CREBBP: variants seen among roughly 807,000 people sequenced by gnomAD.
The protein encoded by CREBBP is CREB binding lysine acetyltransferase, also known as CREB-binding protein.
Under a neutral mutation model 265.0 loss-of-function variants are expected in CREBBP, and 19 were observed. The ratio of observed to expected loss-of-function variants is 0.07; its 90% CI spans 0.05 to 0.11. The LOEUF is 0.11. CREBBP is among the 10% of genes least tolerant of loss of function. The pLI is 1.00. For synonymous variants in CREBBP, 1,457 were observed against 1,223.7 expected (o/e 1.19, Z -3.98); for missense variants, 2,525 against 3,219.0 (o/e 0.78, Z 5.22).
chr16:3,863,787 G>C (rs905498069), intron 1 of CREBBP, among the ~76,000 whole-genome samples: 2 of 152,154 alleles, frequency 1.3e-5, no homozygotes, highest in Non-Finnish European at 2.9e-5. Flanking sequence ...TTTGCGTGCT[G>C]CTTCCCTCAG....
At chr16:3,736,347 G>C in intron 27 of CREBBP, 144 bp from the exon 28 acceptor site, 2 of 899,916 alleles carry the variant, frequency 2.2e-6, no homozygotes, top group South Asian at 2.8e-5. Flanking sequence ...CAGTGCAGCA[G>C]ACCCCCACAC....
intron 20 of CREBBP, among the ~76,000 whole-genome samples, chr16:3,750,809 G>T (rs2052455383): frequency 6.6e-6 from 1 of 152,210 alleles, no homozygotes; most frequent in Admixed American, 6.5e-5. Context: ...ATCTGGATTA[G>T]ACTTCAGTAA....
chr16:3,860,247 A>C (rs974805830), intron 1 of CREBBP, among the ~76,000 whole-genome samples: 1 of 152,242 alleles, frequency 6.6e-6, no homozygotes, highest in African/African-American at 2.4e-5. Context: ...TCAGACTTGT[A>C]CTATAGCCCT....
chr16:3,737,781 C>T (rs1372443550), intron 26 of CREBBP, among the ~76,000 whole-genome samples: 1 of 150,306 alleles, frequency 6.7e-6, no homozygotes, highest in Non-Finnish European at 1.5e-5. Flanking sequence ...TTCTTTTTTT[C>T]TTTTCTTTCT....
Position 3,850,965 on chromosome 16 carries a change from G to C in CREBBP, c.130C>G (p.Leu44Val). ...FDLENDLPDELIPNGGELGLL... is the reference protein window; with the variant it reads ...FDLENDLPDEVIPNGGELGLL... ...CCTAATTCTCCTCCATTGGGTATCA[G>C]CTCATCAGGAAGATCATTTTCCAAG... The change falls in exon 2 of 31, where the codon CTG (leucine) becomes GTG (valine). Residue 44 changes from leucine (L) to valine (V), a missense_variant. Transcript: ENST00000262367. The C allele has an allele frequency of 6.2e-7, 1 of 1,614,176 alleles. No homozygotes were observed.
At chr16:3,764,964 TTTTG>T (rs1383574417) in intron 16 of CREBBP, among the ~76,000 whole-genome samples, 34 of 151,970 alleles carry the variant, frequency 2.2e-4, no homozygotes, top group Admixed American at 1.8e-3. Context: ...TGGTTTTTTT[TTTTG>T]TTTTGTTTTT....
At chr16:3,763,245 T>C (rs1410369041) in intron 16 of CREBBP, among the ~76,000 whole-genome samples, 8 of 151,410 alleles carry the variant, frequency 5.3e-5, no homozygotes, top group Admixed American at 3.3e-4. Flanking sequence ...AAACTTGACC[T>C]CCTAGGCTCA....
intron 16 of CREBBP, among the ~76,000 whole-genome samples, chr16:3,764,467 G>C (rs977921226): frequency 6.6e-6 from 1 of 150,878 alleles, no homozygotes; most frequent in Non-Finnish European, 1.5e-5. Flanking sequence ...GTAGAGACAG[G>C]GTCTCACTAC....
Position 3,728,238 on chromosome 16 carries a change from T to TG in CREBBP, c.6808dup (p.Gln2270ProfsTer71). 6.2e-7 allele frequency: 1 copy of TG among 1,613,240 alleles called. No homozygotes were observed. The highest frequency in any genetic ancestry group is 8.5e-7 in the Non-Finnish European group (1 of 1,179,912). On this transcript the variant is annotated frameshift_variant, in exon 31 of 31. Coordinates refer to ENST00000262367, the MANE Select transcript of CREBBP (RefSeq NM_004380.3). LOFTEE classifies it high-confidence loss of function. This position sits in a 1 kb window ranked among gnomAD's most constrained non-coding sequence, Gnocchi z 8.7. ...CCCCGGCTGCCCCATCTGGCCAAGC[T>TG]GTCCCATCTGAGCCGCCATCTGGCC... is the stretch of plus-strand genomic sequence containing the variant.
At position 3,778,852 on chromosome 16, in the gene CREBBP, T is replaced by C. The variant is rs532030294; in HGVS notation, c.1824-35A>G. On this transcript the variant is annotated intron_variant, in intron 8 of 30. Transcript: ENST00000262367. ...TAACACATCTATCAAACTACTTTTT[T>C]TTTTCTTCTTTTTTTTAAAGACATG... 252 of 1,585,670 alleles carry C rather than the reference T, an allele frequency of 1.6e-4. No homozygotes were observed. In the South Asian group the frequency reaches 2.1e-3, roughly 13 times the overall value.
intron 2 of CREBBP, among the ~76,000 whole-genome samples, chr16:3,839,822 A>G (rs867344043): frequency 2.6e-5 from 4 of 151,830 alleles, no homozygotes; most frequent in Admixed American, 6.6e-5. Flanking sequence ...AAGAAAGGAA[A>G]GAAAGAAAGA....
intron 13 of CREBBP, among the ~76,000 whole-genome samples, chr16:3,771,797 T>TA (rs2053015459): frequency 6.8e-6 from 1 of 147,878 alleles, no homozygotes; most frequent in South Asian, 2.2e-4. Flanking sequence ...GCACTCAATT[T>TA]AAAACTTTTT....
intron 21 of CREBBP, among the ~76,000 whole-genome samples, chr16:3,749,096 G>A (rs577450211): frequency 1.1e-4 from 17 of 152,330 alleles, no homozygotes; most frequent in Admixed American, 2.0e-4. Flanking sequence ...GCAGTGAGCC[G>A]AGATCGTGCC....
At chr16:3,815,550 A>ATT (rs1166085466) in intron 2 of CREBBP, among the ~76,000 whole-genome samples, 12 of 134,824 alleles carry the variant, frequency 8.9e-5, no homozygotes, top group African/African-American at 1.7e-4. Flanking sequence ...AAAAAAAAAA[A>ATT]TTTTTTTTTT....
At chr16:3,809,472 G>A (rs928477802) in intron 3 of CREBBP, among the ~76,000 whole-genome samples, 3 of 152,070 alleles carry the variant, frequency 2.0e-5, no homozygotes, top group South Asian at 2.1e-4. Flanking sequence ...CACCACGCCC[G>A]GCCTCAACCA....
chr16:3,804,675 G>C (rs945830059), intron 3 of CREBBP, among the ~76,000 whole-genome samples: 1 of 152,234 alleles, frequency 6.6e-6, no homozygotes, highest in African/African-American at 2.4e-5. Flanking sequence ...TCATTTCTCA[G>C]AAATGCCTGC....
chr16:3,727,571 C>CTTT lies in CREBBP; in HGVS notation c.*144_*146dup. On this transcript the variant is annotated 3_prime_UTR_variant, in exon 31 of 31. Coordinates refer to ENST00000262367, the MANE Select transcript of CREBBP (RefSeq NM_004380.3). ...CTGGTTTTTAACAAAAAAATATATTCTTTGTATTGTTTCTTTAAACATCAA... is the reference window on the plus strand; with the variant it reads ...CTGGTTTTTAACAAAAAAATATATTCTTTTTTGTATTGTTTCTTTAAACATCAA... 8.5e-7 allele frequency: 1 copy of CTTT among 1,179,014 alleles called. No homozygotes were observed. The highest frequency in any genetic ancestry group is 1.1e-6 in the Non-Finnish European group (1 of 898,840). The allele number at this position is 1,179,014 out of a possible 1,614,324, so 73.0% of individuals were successfully genotyped here.
Position 3,759,032 on chromosome 16 carries a change from C to G in CREBBP, c.3251-60G>C, listed in dbSNP as rs2052649448. The G allele has an allele frequency of 4.6e-6, 6 of 1,316,240 alleles. No individual in the cohort carries two copies. In the South Asian group the frequency reaches 7.1e-5, roughly 15 times the overall value. 81.5% of individuals were successfully genotyped at this position (1,316,240 alleles called of 1,614,324 possible). ...AAAGGTGCTCAGATCCCTCCTACCTCACATTTAAAACGGAATCCTGGCTGC... is the reference window on the plus strand; with the variant it reads ...AAAGGTGCTCAGATCCCTCCTACCTGACATTTAAAACGGAATCCTGGCTGC... On this transcript the variant is annotated intron_variant, in intron 16 of 30. Transcript: ENST00000262367.
At chr16:3,764,874 C>T (rs2052809150) in intron 16 of CREBBP, among the ~76,000 whole-genome samples, 1 of 152,188 alleles carries the variant, frequency 6.6e-6, no homozygotes, top group Admixed American at 6.5e-5. Flanking sequence ...TGAGCCACCA[C>T]ACCTGGCTGA....
Sources: allele counts gnomAD v4.1 joint callset (sites outside exome capture counted in the v4.1 genomes callset), GRCh38; gene constraint gnomAD v4.1.1; non-coding constraint Gnocchi (gnomAD v3.1); transcripts MANE v1.5; gene names NCBI Gene and HGNC (gene_info 2026-07-23, HGNC 2026-07-21).